The following TTC39A variants were observed in gnomAD, a reference collection of about 807,000 sequenced individuals.
The protein encoded by TTC39A is tetratricopeptide repeat protein 39A.
A neutral mutation model predicts 82.3 loss-of-function variants in TTC39A; 46 were observed. The observed-to-expected ratio is 0.56, with a 90% CI of 0.44 to 0.71. The LOEUF is 0.71. TTC39A is among the 30% of genes least tolerant of loss of function. The pLI is 0.00. For synonymous variants in TTC39A, 254 were observed against 275.2 expected (o/e 0.92, Z 0.76); for missense variants, 543 against 712.9 (o/e 0.76, Z 2.71).
At chr1:51,304,676 C>G (rs946102626) in intron 8 of TTC39A, among the ~76,000 whole-genome samples, 2 of 152,214 alleles carry the variant, frequency 1.3e-5, no homozygotes, top group African/African-American at 2.4e-5. Flanking sequence ...GGGCTTCCCT[C>G]AGGCATCTGC....
chr1:51,325,163 A>G (rs1343865996), intron 1 of TTC39A, among the ~76,000 whole-genome samples: 1 of 151,926 alleles, frequency 6.6e-6, no homozygotes, highest in Non-Finnish European at 1.5e-5. Flanking sequence ...ATGAGGCAAG[A>G]GAATCGCTTG....
intron 4 of TTC39A, among the ~76,000 whole-genome samples, chr1:51,311,797 A>G (rs139601701): frequency 1.2e-4 from 18 of 152,362 alleles, no homozygotes; most frequent in African/African-American, 4.3e-4. Context: ...GGATAATTAA[A>G]TCAGTAAACT....
intron 16 of TTC39A, 122 bp from the exon 17 acceptor site, chr1:51,289,077 G>A (rs1157892606): frequency 1.2e-6 from 1 of 816,354 alleles, no homozygotes; most frequent in Non-Finnish European, 1.9e-6. Flanking sequence ...TAGAAAGGCT[G>A]GGATCCATAG....
At chr1:51,336,737 T>C (rs1054797577) in intron 1 of TTC39A, among the ~76,000 whole-genome samples, 5 of 152,158 alleles carry the variant, frequency 3.3e-5, no homozygotes, top group African/African-American at 1.2e-4. Flanking sequence ...AAGCCAGGGC[T>C]TGCACCTGAC....
intron 1 of TTC39A, among the ~76,000 whole-genome samples, chr1:51,344,829 G>A (rs914992391): frequency 2.0e-5 from 3 of 152,220 alleles, no homozygotes; most frequent in Admixed American, 6.5e-5. Flanking sequence ...GGGGGCGCGC[G>A]GCGCTGCCCC....
chr1:51,303,157 T>G lies in TTC39A; in HGVS notation c.690A>C (p.Ser230=), dbSNP rs1407836985. 4.5e-6 allele frequency: 7 copies of G among 1,558,408 alleles called. No individual in the cohort carries two copies. Among genetic ancestry groups the G allele is most frequent in the Non-Finnish European group, 6.1e-6 (7 of 1,152,348 alleles). Residue 230 remains serine (S), a synonymous_variant, in exon 9 of 18, where the codon TCA becomes TCC. Transcript: ENST00000680483. ...YGLLQLEEGA[S]GHSFRSVLCV... ...AGAGCACAGAGCGGAAGCTGTGCCC[T>G]GACGCTCCCTCCTCCAGCTGCAGCA...
Position 51,294,627 on chromosome 1 carries a change from A to G in TTC39A, c.1146-116T>C. 6.8e-7 allele frequency: 1 copy of G among 1,461,082 alleles called. No individual in the cohort carries two copies. Among genetic ancestry groups the G allele is most frequent in the Non-Finnish European group, 9.3e-7 (1 of 1,077,100 alleles). The allele number at this position is 1,461,082 out of a possible 1,614,324, so 90.5% of individuals were successfully genotyped here. On this transcript the variant is annotated intron_variant, in intron 13 of 17. Coordinates refer to ENST00000680483, the MANE Select transcript of TTC39A (RefSeq NM_001297663.2). The surrounding 1 kb of genome is among the most constrained non-coding windows in gnomAD (Gnocchi z 4.3). ...TCTGGGCCTCAGTTTCCCCATCTGC[A>G]CAATGACAGTGTTAGACTCTAAAGA...
chr1:51,320,564 T>C (rs755351949), intron 2 of TTC39A, among the ~76,000 whole-genome samples: 1 of 151,724 alleles, frequency 6.6e-6, no homozygotes, highest in African/African-American at 2.4e-5. Context: ...GCTGAGACTA[T>C]AGCTACTATA....
Position 51,288,277 on chromosome 1 carries a change from T to C in TTC39A, c.1614A>G (p.Gln538=), listed in dbSNP as rs756051549. ...ACTCCATGGAGTAATTCTTGTAGTTTTGCCTGGAATTGAGCAGCGAATCAG... is the reference window on the plus strand; with the variant it reads ...ACTCCATGGAGTAATTCTTGTAGTTCTGCCTGGAATTGAGCAGCGAATCAG... ...EAIKLLESAK[Q]NYKNYSMESR... The change falls in exon 18 of 18, where the codon CAA becomes CAG. Residue 538 remains glutamine (Q), a synonymous_variant. Coordinates refer to ENST00000680483, the MANE Select transcript of TTC39A (RefSeq NM_001297663.2). The surrounding 1 kb of genome is among the most constrained non-coding windows in gnomAD (Gnocchi z 4.8). 2.5e-6 allele frequency: 4 copies of C among 1,614,000 alleles called. No homozygotes were observed. In the South Asian group the frequency reaches 4.4e-5, roughly 18 times the overall value.
intron 7 of TTC39A, 143 bp from the exon 8 acceptor site, chr1:51,305,289 G>C (rs1442128118): frequency 1.4e-6 from 1 of 735,174 alleles, no homozygotes; most frequent in African/African-American, 1.8e-5. Context: ...TCTAGCCAAT[G>C]TTTTCCAAAG....
chr1:51,308,795 G>C (rs561842967), intron 6 of TTC39A, among the ~76,000 whole-genome samples: 1 of 152,318 alleles, frequency 6.6e-6, no homozygotes, highest in African/African-American at 2.4e-5. Context: ...GTGTGTATGT[G>C]TGTGTGTGTG....
intron 4 of TTC39A, among the ~76,000 whole-genome samples, chr1:51,311,607 C>T (rs1645084314): frequency 6.6e-6 from 1 of 152,144 alleles, no homozygotes; most frequent in Admixed American, 6.5e-5. Context: ...GGCCACTTTC[C>T]CCTATGCTGC....
Position 51,302,589 on chromosome 1 carries a change from G to T in TTC39A, c.764-16C>A. ...TTCCCAGTACCTGGAGGAGATGGTG[G>T]GGGAGACACAGAACATGTCACCACC... is the stretch of plus-strand genomic sequence containing the variant. On this transcript the variant is annotated splice_polypyrimidine_tract_variant and intron_variant, in intron 9 of 17. Transcript: ENST00000680483. 1.3e-6 allele frequency: 2 copies of T among 1,591,182 alleles called. No individual in the cohort carries two copies. The highest frequency in any genetic ancestry group is 1.3e-5 in the African/African-American group (1 of 74,548).
intron 8 of TTC39A, among the ~76,000 whole-genome samples, chr1:51,303,578 G>T (rs979229523): frequency 2.7e-4 from 41 of 152,206 alleles, no homozygotes; most frequent in African/African-American, 9.2e-4. Flanking sequence ...CATAGGTGGG[G>T]CCTGGGAAGG....
In TTC39A at chr1:51,312,813, T is replaced by C. The variant is rs766123189; in HGVS notation, c.277A>G (p.Arg93Gly). Residue 93 changes from arginine (R) to glycine (G), a missense_variant and splice_region_variant, in exon 3 of 18, where the codon AGG becomes GGG. By Grantham distance (125) the Arg-to-Gly change is moderately radical (BLOSUM62 -2). Transcript: ENST00000680483. ...MMKEAQMLCQ[R>G]HRRKSSVTDS... Reference sequence around the variant, plus strand: ...ATCCCTGCCCCCAATGCCCCCAACCTCTGACACAGCATCTGTGCCTCCTTC... The same window carrying C: ...ATCCCTGCCCCCAATGCCCCCAACCCCTGACACAGCATCTGTGCCTCCTTC... 1.2e-6 allele frequency: 2 copies of C among 1,613,344 alleles called. No homozygotes were observed. Among genetic ancestry groups the C allele is most frequent in the African/African-American group, 1.3e-5 (1 of 75,030 alleles).
rs1191930077 is a variant in TTC39A, at chr1:51,311,307, C to T, written c.370G>A (p.Glu124Lys). The change falls in exon 5 of 18, where the codon GAG (glutamate) becomes AAG (lysine). Residue 124 changes from glutamate to lysine, a missense_variant. Transcript: ENST00000680483. ...AGCAGGCACTCTGCATAGCAGACCT[C>T]AGCGTGGATTTCCTCTGTGGGGAGA... ...GQFTEEEIHA[E>K]VCYAECLLQR... 3 of 1,581,744 alleles carry T rather than the reference C, an allele frequency of 1.9e-6. No homozygotes were observed. Among genetic ancestry groups the T allele is most frequent in the African/African-American group, 1.3e-5 (1 of 74,362 alleles).
chr1:51,309,569 G>A (rs981205744), intron 5 of TTC39A: 38 of 793,502 alleles, frequency 4.8e-5, no homozygotes, highest in East Asian at 3.3e-5. Context: ...GAGGGGCCAC[G>A]CCCAGTGATT....
At chr1:51,342,678 C>T (rs1276966412) in intron 1 of TTC39A, among the ~76,000 whole-genome samples, 1 of 152,164 alleles carries the variant, frequency 6.6e-6, no homozygotes, top group Non-Finnish European at 1.5e-5. Flanking sequence ...GGGTGTGAGA[C>T]CTTGTGTGGT....
chr1:51,290,511 C>T lies in TTC39A; in HGVS notation c.1378+3G>A. On this transcript the variant is annotated splice_donor_region_variant and intron_variant, in intron 15 of 17. Coordinates refer to ENST00000680483, the MANE Select transcript of TTC39A (RefSeq NM_001297663.2). ...GCAGGCCCAAGGGCCTGAGGGAAGT[C>T]ACCTGGGCCTTTCTCCAGCATCTCT... is the stretch of plus-strand genomic sequence containing the variant. 3 of 1,613,310 alleles carry T rather than the reference C, an allele frequency of 1.9e-6. No homozygotes were observed. The highest frequency in any genetic ancestry group is 2.2e-5 in the East Asian group (1 of 44,864).
Sources: allele counts gnomAD v4.1 joint callset (sites outside exome capture counted in the v4.1 genomes callset), GRCh38; gene constraint gnomAD v4.1.1; non-coding constraint Gnocchi (gnomAD v3.1); transcripts MANE v1.5; gene names NCBI Gene and HGNC (gene_info 2026-07-23, HGNC 2026-07-21).